The following DTNA variants were observed in gnomAD, a reference collection of about 807,000 sequenced individuals.
DTNA encodes dystrophin-related protein 3.
DTNA carries 43 observed loss-of-function variants against 100.7 expected under a neutral mutation model. That is an observed-to-expected ratio of 0.43 (90% CI 0.33 to 0.55). The LOEUF (loss-of-function observed/expected upper bound fraction) is 0.55, where lower values mean the gene tolerates loss of function less well. Among genes scored for constraint, DTNA ranks in the 20% least tolerant of loss-of-function variants. The pLI, the probability that DTNA is intolerant of heterozygous loss-of-function variation, is 0.04. For missense variants in DTNA, 798 were observed against 953.9 expected, an observed-to-expected ratio of 0.84 and a Z score of 2.15; for synonymous variants, 349 against 347.9, an observed-to-expected ratio of 1.00 and a Z score of -0.04.
intron 1 of DTNA, among the ~76,000 whole-genome samples, chr18:34,562,336 C>T (rs1417781304): frequency 2.6e-5 from 4 of 152,170 alleles, no homozygotes; most frequent in Non-Finnish European, 5.9e-5. Flanking sequence ...TAGAGACACA[C>T]AAAATATGGG....
In DTNA at chr18:34,529,852, G is replaced by A. The variant is rs774516131; in HGVS notation, c.-2+36338G>A. ...GGTTTAATCCAGGGTAGAGCAAAGA[G>A]TATTTAGAAAAATGGAATGTGAGAA... On this transcript the variant is annotated intron_variant, in intron 1 of 19. Transcript: ENST00000283365. Among the ~76,000 whole-genome samples the A allele has an allele frequency of 9.6e-4, 146 of 152,094 alleles. 3 individuals carry two copies. Among genetic ancestry groups the A allele is most frequent in the Non-Finnish European group, 1.8e-4 (12 of 68,010 alleles).
intron 1 of DTNA, among the ~76,000 whole-genome samples, chr18:34,530,840 T>C (rs2043068873): frequency 6.6e-6 from 1 of 152,122 alleles, no homozygotes; most frequent in Non-Finnish European, 1.5e-5. Flanking sequence ...GTCCAGCTGA[T>C]AAAGTGTAAA....
intron 2 of DTNA, 87 bp downstream of exon 2, chr18:34,756,130 T>C (rs2092752612): frequency 1.4e-6 from 2 of 1,458,152 alleles, no homozygotes; most frequent in Non-Finnish European, 9.4e-7. Context: ...CTTTATGATA[T>C]TTGTACTTTT....
chr18:34,816,826 T>C (rs1443871453), intron 7 of DTNA, among the ~76,000 whole-genome samples: 1 of 152,222 alleles, frequency 6.6e-6, no homozygotes, highest in Non-Finnish European at 1.5e-5. Context: ...AATTTTAAAT[T>C]ATCATTCAGA....
chr18:34,821,193 G>A lies in DTNA; in HGVS notation c.1001+278G>A, dbSNP rs1230884719. On this transcript the variant is annotated intron_variant, in intron 9 of 22. Coordinates refer to ENST00000444659, the MANE Select transcript of DTNA (RefSeq NM_001386795.1). The stretch of plus-strand genomic sequence containing the variant: ...GTTATAAAATACGGATGTTAGTGGT[G>A]TCTGCACATTGGAAGTTAACAATGG... 7.1e-6 allele frequency: 4 copies of A among 567,324 alleles called. No homozygotes were observed. In the Admixed American group the frequency reaches 8.8e-5, roughly 12 times the overall value. The allele number at this position is 567,324 out of a possible 1,614,324, so 35.1% of individuals were successfully genotyped here.
rs1046125861 is a variant in DTNA, at chr18:34,889,558, A to T, written c.*1824A>T. ...CCCACACACCAAGTTCGTAGTTGGTAGGTGCCCAGCCAAGTCCTGACATCT... is the reference window on the plus strand; with the variant it reads ...CCCACACACCAAGTTCGTAGTTGGTTGGTGCCCAGCCAAGTCCTGACATCT... On this transcript the variant is annotated 3_prime_UTR_variant, in exon 23 of 23. Coordinates refer to ENST00000444659, the MANE Select transcript of DTNA (RefSeq NM_001386795.1). 5.1e-6 allele frequency: 5 copies of T among 985,318 alleles called. No individual in the cohort carries two copies. In the African/African-American group the frequency reaches 8.7e-5, roughly 17 times the overall value. The allele number at this position is 985,318 out of a possible 1,614,324, so 61.0% of individuals were successfully genotyped here.
At chr18:34,853,146 T>A (rs1329421936) in intron 15 of DTNA, among the ~76,000 whole-genome samples, 1 of 152,212 alleles carries the variant, frequency 6.6e-6, no homozygotes, top group Admixed American at 6.5e-5. Flanking sequence ...CAACTTGTAC[T>A]AGGTCGGTGC....
chr18:34,559,035 C>T (rs1240106293), intron 1 of DTNA, among the ~76,000 whole-genome samples: 1 of 152,066 alleles, frequency 6.6e-6, no homozygotes, highest in Non-Finnish European at 1.5e-5. Flanking sequence ...ACAGTTTCAC[C>T]AGTAGAAGCA....
chr18:34,498,442 T>TACAATAATA (rs564930126), intron 1 of DTNA, among the ~76,000 whole-genome samples: 2 of 141,850 alleles, frequency 1.4e-5, no homozygotes, highest in African/African-American at 5.1e-5. Context: ...CAGAAAATAA[T>TACAATAATA]ATAATAATAA....
At chr18:34,503,305 T>TTTG (rs2040136117) in intron 1 of DTNA, among the ~76,000 whole-genome samples, 1 of 99,534 alleles carries the variant, frequency 1.0e-5, no homozygotes, top group African/African-American at 3.7e-5. Flanking sequence ...TTTTTTTTTT[T>TTTG]GAGACAGAGT....
intron 1 of DTNA, among the ~76,000 whole-genome samples, chr18:34,510,125 T>A (rs1368895349): frequency 1.3e-5 from 2 of 150,864 alleles, no homozygotes; most frequent in East Asian, 3.9e-4. Context: ...TTTTTTTTTT[T>A]AAGTCTGAGC....
intron 1 of DTNA, among the ~76,000 whole-genome samples, chr18:34,662,483 C>G (rs1342311504): frequency 2.6e-5 from 4 of 152,130 alleles, no homozygotes; most frequent in Non-Finnish European, 4.4e-5. Context: ...TGAGAAATGT[C>G]TCTCATGACT....
At position 34,603,022 on chromosome 18, in the gene DTNA, A is replaced by C. The variant is rs188894199; in HGVS notation, c.-2+109508A>C. Among the ~76,000 whole-genome samples the C allele has an allele frequency of 7.9e-5, 12 of 151,808 alleles. No homozygotes were observed. The East Asian group carries it at 1.7e-3, about 22-fold the overall frequency. On this transcript the variant is annotated intron_variant, in intron 1 of 19. Transcript: ENST00000283365. ...CCTCTCAAAAAAAAAATACAAAATAAAAAATAAATTTAATTTAATTTAATT... is the reference window on the plus strand; with the variant it reads ...CCTCTCAAAAAAAAAATACAAAATACAAAATAAATTTAATTTAATTTAATT...
At chr18:34,632,252 C>T (rs1050303732) in intron 1 of DTNA, among the ~76,000 whole-genome samples, 3 of 152,082 alleles carry the variant, frequency 2.0e-5, no homozygotes, top group Admixed American at 6.6e-5. Flanking sequence ...ATGGCTCATA[C>T]GTATGGGACA....
chr18:34,667,656 G>T (rs539591221), intron 1 of DTNA, among the ~76,000 whole-genome samples: 2,441 of 152,160 alleles, frequency 0.016, 34 homozygotes, highest in Middle Eastern at 0.037. Context: ...TTTGTCAAAG[G>T]CCTTTTCTGC....
intron 1 of DTNA, among the ~76,000 whole-genome samples, chr18:34,500,229 C>T (rs1343788098): frequency 2.6e-5 from 4 of 151,898 alleles, no homozygotes; most frequent in Non-Finnish European, 5.9e-5. Context: ...TATCTTTTAC[C>T]AGTGATCTGT....
chr18:34,835,959 A>C (rs2096131713), intron 11 of DTNA, among the ~76,000 whole-genome samples: 1 of 152,222 alleles, frequency 6.6e-6, no homozygotes, highest in African/African-American at 2.4e-5. Flanking sequence ...TTTAGTTTGG[A>C]GGGAAGAATC....
intron 1 of DTNA, among the ~76,000 whole-genome samples, chr18:34,527,757 T>G (rs2042764788): frequency 6.6e-6 from 1 of 152,132 alleles, no homozygotes; most frequent in South Asian, 2.1e-4. Flanking sequence ...AGACCAATTT[T>G]CAGTTATTAA....
At chr18:34,847,280 A>G (rs1404459379) in intron 13 of DTNA, among the ~76,000 whole-genome samples, 1 of 152,170 alleles carries the variant, frequency 6.6e-6, no homozygotes, top group Non-Finnish European at 1.5e-5. Context: ...GTAAATTTAT[A>G]GGAGGCACTA....
Sources: gnomAD v4.1 joint callset for allele counts (sites outside exome capture counted in the v4.1 genomes callset) on GRCh38, gnomAD v4.1.1 for gene constraint, MANE v1.5 for transcripts, NCBI Gene and HGNC (gene_info 2026-07-23, HGNC 2026-07-21) for gene names.